The following VMP1 variants were observed in gnomAD, a reference collection of about 807,000 sequenced individuals.
VMP1 encodes the protein ectopic P-granules autophagy protein 3 homolog.
Under a neutral mutation model 56.0 loss-of-function variants are expected in VMP1, and 11 were observed. That is an observed-to-expected ratio of 0.20 (90% confidence interval 0.12 to 0.32). VMP1 has a LOEUF of 0.32. VMP1 is among the 10% of genes least tolerant of loss of function. The pLI, the probability that VMP1 is intolerant of heterozygous loss-of-function variation, is 1.00. For synonymous variants in VMP1, 149 were observed against 165.0 expected (o/e 0.90, Z 0.74); for missense variants, 296 against 490.3 (o/e 0.60, Z 3.74).
intron 2 of VMP1, among the ~76,000 whole-genome samples, 180 bp from the exon 3 acceptor site, chr17:59,735,158 C>T (rs1191852819): frequency 2.0e-5 from 3 of 152,002 alleles, no homozygotes; most frequent in Admixed American, 6.6e-5. Context: ...GTGATCTGCC[C>T]TCCTCAGCCT....
Position 59,774,341 on chromosome 17 carries a change from C to T in VMP1, c.714+456C>T, listed in dbSNP as rs370084577. On this transcript the variant is annotated intron_variant, in intron 7 of 11. Coordinates refer to ENST00000262291, the MANE Select transcript of VMP1 (RefSeq NM_030938.5). Reference sequence around the variant, plus strand: ...CCGAGGCAGGAGGATTGCATAAGCGCAGGAGTTTGAGGCTGCAAGTGAGCT... The same window carrying T: ...CCGAGGCAGGAGGATTGCATAAGCGTAGGAGTTTGAGGCTGCAAGTGAGCT... Among the ~76,000 whole-genome samples the T allele has an allele frequency of 1.0e-3, 158 of 151,732 alleles. 6 individuals are homozygous for T. The South Asian group carries it at 0.031, about 30-fold the overall frequency.
intron 7 of VMP1, among the ~76,000 whole-genome samples, chr17:59,781,225 A>G (rs2036812012): frequency 6.6e-6 from 1 of 152,100 alleles, no homozygotes; most frequent in Non-Finnish European, 1.5e-5. Flanking sequence ...AATTTGTTTT[A>G]GGCCCTTTGC....
At chr17:59,746,344 G>T (rs2143875823) in intron 5 of VMP1, among the ~76,000 whole-genome samples, 2 of 152,232 alleles carry the variant, frequency 1.3e-5, no homozygotes, top group South Asian at 4.1e-4. Context: ...GCTAATTTTT[G>T]TATTTTTAGT....
chr17:59,759,248 C>T (rs967633954), intron 5 of VMP1, among the ~76,000 whole-genome samples: 1 of 152,142 alleles, frequency 6.6e-6, no homozygotes, highest in African/African-American at 2.4e-5. Flanking sequence ...GTGGCGGGTG[C>T]CTGTAACCCC....
intron 7 of VMP1, among the ~76,000 whole-genome samples, chr17:59,779,212 G>T (rs901210374): frequency 5.3e-5 from 8 of 152,236 alleles, no homozygotes; most frequent in Admixed American, 5.2e-4. Flanking sequence ...AGAGTGGTTA[G>T]AGATCTCCAT....
Position 59,773,876 on chromosome 17 carries a change from G to T in VMP1, c.705G>T (p.Glu235Asp). The T allele has an allele frequency of 6.2e-7, 1 of 1,611,432 alleles. No homozygotes were observed. The highest frequency in any genetic ancestry group is 8.5e-7 in the Non-Finnish European group (1 of 1,178,920). ...QEFEEMLEHAESAQDFASRAK... is the reference protein window; with the variant it reads ...QEFEEMLEHADSAQDFASRAK... Reference sequence around the variant, plus strand: ...TTGAAGAGATGCTGGAACATGCAGAGTCTGCACAAGTAAGAACAGTGGGGA... The same window carrying T: ...TTGAAGAGATGCTGGAACATGCAGATTCTGCACAAGTAAGAACAGTGGGGA... The change falls in exon 7 of 12, where the codon GAG becomes GAT. Residue 235 changes from glutamate (E) to aspartate (D), a missense_variant. Coordinates refer to ENST00000262291, the MANE Select transcript of VMP1 (RefSeq NM_030938.5).
At chr17:59,775,985 G>A (rs1024895164) in intron 7 of VMP1, among the ~76,000 whole-genome samples, 4 of 152,118 alleles carry the variant, frequency 2.6e-5, no homozygotes, top group African/African-American at 7.2e-5. Flanking sequence ...GGCTGAAACA[G>A]GAGGATTGCT....
chr17:59,721,812 T>C (rs980491329), intron 1 of VMP1, among the ~76,000 whole-genome samples: 4 of 152,222 alleles, frequency 2.6e-5, no homozygotes, highest in African/African-American at 9.6e-5. Flanking sequence ...GCCAGGGTTG[T>C]CATAACAGAA....
chr17:59,824,434 G>A (rs1170894419), intron 10 of VMP1, among the ~76,000 whole-genome samples: 3 of 149,550 alleles, frequency 2.0e-5, no homozygotes, highest in Admixed American at 1.3e-4. Context: ...TTAGCCGGGC[G>A]TGGGGGTGGG....
chr17:59,730,560 C>T (rs1171675568), intron 1 of VMP1, among the ~76,000 whole-genome samples: 3 of 152,158 alleles, frequency 2.0e-5, no homozygotes, highest in Admixed American at 6.5e-5. Flanking sequence ...CCACTGCACC[C>T]GGCCCCAGTT....
chr17:59,719,743 A>G (rs1211117936), intron 1 of VMP1, among the ~76,000 whole-genome samples: 1 of 152,126 alleles, frequency 6.6e-6, no homozygotes, highest in African/African-American at 2.4e-5. Flanking sequence ...TTTAAAATGA[A>G]TGGAGTATTA....
At chr17:59,798,095 A>G (rs970725749) in intron 7 of VMP1, among the ~76,000 whole-genome samples, 5 of 152,164 alleles carry the variant, frequency 3.3e-5, no homozygotes, top group African/African-American at 1.2e-4. Context: ...TAAGAGGTAT[A>G]TTTTAGATTT....
At chr17:59,740,896 A>G (rs1456577520) in intron 5 of VMP1, among the ~76,000 whole-genome samples, 1 of 152,148 alleles carries the variant, frequency 6.6e-6, no homozygotes, top group Non-Finnish European at 1.5e-5. Context: ...CAGATAGCAG[A>G]CTCTGCTGAA....
At chr17:59,774,941 ATTT>A (rs11354629) in intron 7 of VMP1, among the ~76,000 whole-genome samples, 14 of 137,520 alleles carry the variant, frequency 1.0e-4, no homozygotes, top group Non-Finnish European at 9.5e-5. Context: ...TACAAAAAAA[ATTT>A]TTTTTTTTTT....
At position 59,809,737 on chromosome 17, in the gene VMP1, A is replaced by G. The variant is rs548006344; in HGVS notation, c.795+861A>G. 6.5e-3 allele frequency among the ~76,000 whole-genome samples: 965 copies of G among 148,954 alleles called. 6 individuals are homozygous for G. Among genetic ancestry groups the G allele is most frequent in the South Asian group, 0.015 (69 of 4,696 alleles). ...TAGCCGGGATGGTCTCGATCTCCTG[A>G]CCTCGTGATCCGCCCGCCTCGGCCT... On this transcript the variant is annotated intron_variant, in intron 8 of 11. Transcript: ENST00000262291.
chr17:59,841,120 A>T lies in VMP1; in HGVS notation c.*1209A>T, dbSNP rs2039143235. 4.2e-6 allele frequency: 1 copy of T among 237,148 alleles called. No homozygotes were observed. Among genetic ancestry groups the T allele is most frequent in the Non-Finnish European group, 9.6e-6 (1 of 103,754 alleles). The allele number at this position is 237,148 out of a possible 1,614,324, so 14.7% of individuals were successfully genotyped here. A position where few individuals can be genotyped will look rare whatever the true frequency, so the allele number is the denominator to read the frequency against. On this transcript the variant is annotated 3_prime_UTR_variant, in exon 12 of 12. Transcript: ENST00000262291. ...GGAGCATTATGAGCATTATGTCAGA[A>T]TAGAATAGAATTGGGGTTCGATCTT...
chr17:59,753,098 G>C (rs1429321985), intron 5 of VMP1, among the ~76,000 whole-genome samples: 1 of 151,886 alleles, frequency 6.6e-6, no homozygotes, highest in African/African-American at 2.4e-5. Context: ...CAACCTAGTG[G>C]GACCCCGTCT....
chr17:59,758,565 C>T (rs1027688638), intron 5 of VMP1, among the ~76,000 whole-genome samples: 2 of 151,920 alleles, frequency 1.3e-5, no homozygotes, highest in Non-Finnish European at 2.9e-5. Flanking sequence ...TGGCTCACAC[C>T]AGTAATCCCA....
intron 7 of VMP1, among the ~76,000 whole-genome samples, chr17:59,788,282 C>A (rs1024079173): frequency 6.7e-6 from 1 of 148,440 alleles, no homozygotes; most frequent in African/African-American, 2.5e-5. Flanking sequence ...AAGTCAGGAG[C>A]TCTAGACCAG....
Sources: allele counts gnomAD v4.1 joint callset (sites outside exome capture counted in the v4.1 genomes callset), GRCh38; gene constraint gnomAD v4.1.1; transcripts MANE v1.5; gene names NCBI Gene and HGNC (gene_info 2026-07-23, HGNC 2026-07-21).